SACM1L: variants seen among roughly 807,000 people sequenced by gnomAD.
SACM1L encodes phosphatidylinositol-3-phosphatase SAC1.
In SACM1L, 32 loss-of-function variants were observed where a neutral mutation model predicts 89.5. The ratio of observed to expected loss-of-function variants is 0.36; its 90% CI spans 0.27 to 0.48. SACM1L has a LOEUF of 0.48. Ranked by LOEUF, SACM1L falls within the 20% of genes least tolerant of loss-of-function variation. The pLI is 0.99. For synonymous variants in SACM1L, 213 were observed against 232.8 expected (o/e 0.92, Z 0.77); for missense variants, 543 against 708.5 (o/e 0.77, Z 2.65).
chr3:45,721,562 G>T (rs1010448051), intron 8 of SACM1L, among the ~76,000 whole-genome samples: 2 of 152,144 alleles, frequency 1.3e-5, no homozygotes, highest in African/African-American at 4.8e-5. Context: ...CTATCTTTAC[G>T]TTGAGTATTG....
At chr3:45,708,726 T>C (rs575886989) in intron 4 of SACM1L, among the ~76,000 whole-genome samples, 1 of 152,170 alleles carries the variant, frequency 6.6e-6, no homozygotes, top group Admixed American at 6.5e-5. Context: ...TCAAGCTGTG[T>C]AGCTAATTTT....
intron 1 of SACM1L, among the ~76,000 whole-genome samples, chr3:45,700,467 A>G (rs1698239560): frequency 6.6e-6 from 1 of 152,188 alleles, no homozygotes; most frequent in African/African-American, 2.4e-5. Flanking sequence ...AAGCAGCCAA[A>G]TAGGAGCAGT....
intron 9 of SACM1L, 128 bp downstream of exon 9, chr3:45,722,213 A>G (rs1698805176): frequency 9.6e-6 from 6 of 623,528 alleles, no homozygotes; most frequent in Non-Finnish European, 1.4e-5. Flanking sequence ...TCTATGGTGC[A>G]GAAAAAGTTC....
In SACM1L at chr3:45,722,886, T is replaced by C; in HGVS notation, c.783T>C (p.Pro261=). ...TCTTTTAGACTCGAGGATCAATACCTGTTTTCTGGTCCCAAAGACCAAACC... is the reference window on the plus strand; with the variant it reads ...TCTTTTAGACTCGAGGATCAATACCCGTTTTCTGGTCCCAAAGACCAAACC... ...ASFVQTRGSI[P]VFWSQRPNLK... Residue 261 remains proline, a synonymous_variant, in exon 10 of 20, where the codon CCT becomes CCC. Coordinates refer to ENST00000389061, the MANE Select transcript of SACM1L (RefSeq NM_014016.5). 6.2e-7 allele frequency: 1 copy of C among 1,613,188 alleles called. No individual in the cohort carries two copies.
At chr3:45,733,862 G>T (rs1363747773) in intron 13 of SACM1L, among the ~76,000 whole-genome samples, 1 of 152,170 alleles carries the variant, frequency 6.6e-6, no homozygotes, top group Non-Finnish European at 1.5e-5. Context: ...TGCGTATGAT[G>T]CTAAGGCTAG....
chr3:45,715,066 A>C (rs751394162), intron 7 of SACM1L, among the ~76,000 whole-genome samples: 2 of 152,220 alleles, frequency 1.3e-5, no homozygotes, highest in Non-Finnish European at 2.9e-5. Context: ...GTAGCTAAGG[A>C]GCGATGGGCT....
In SACM1L at chr3:45,706,745, T is replaced by C. The variant is rs766950534; in HGVS notation, c.206-35T>C. ...TATTTCTACCTTTAGAGTTACTATT[T>C]TTATAATTATGTGTGTTTGGCTTGC... On this transcript the variant is annotated intron_variant, in intron 3 of 19. Transcript: ENST00000389061. 1.9e-6 allele frequency: 3 copies of C among 1,540,332 alleles called. No homozygotes were observed. In the African/African-American group the frequency reaches 4.2e-5, roughly 21 times the overall value.
chr3:45,707,091 CTTG>C (rs1698415610), intron 4 of SACM1L, 184 bp downstream of exon 4: 5 of 449,870 alleles, frequency 1.1e-5, no homozygotes, highest in South Asian at 4.6e-5. Flanking sequence ...ATTTGTTGCT[CTTG>C]TTTTTTTTTT....
chr3:45,743,654 A>G lies in SACM1L; in HGVS notation c.1749A>G (p.Lys583=), dbSNP rs766784122. ...DFVDAPRLVQ[K]EKID is the part of the protein sequence containing the mutation. ...TCGATGCTCCCAGACTGGTCCAGAA[A>G]GAAAAGATAGACTGAATTTGTATTT... Residue 583 remains lysine, a synonymous_variant, in exon 20 of 20, where the codon AAA becomes AAG. Coordinates refer to ENST00000389061, the MANE Select transcript of SACM1L (RefSeq NM_014016.5). The G allele has an allele frequency of 3.0e-5, 49 of 1,612,502 alleles. No homozygotes were observed. Among genetic ancestry groups the G allele is most frequent in the Middle Eastern group, 1.6e-4 (1 of 6,072 alleles).
At chr3:45,689,564 G>C in intron 1 of SACM1L, 67 bp downstream of exon 1, 1 of 1,520,600 alleles carries the variant, frequency 6.6e-7, no homozygotes, top group Non-Finnish European at 8.9e-7. Flanking sequence ...CCTGGCCTCG[G>C]GGAGGGCTTC....
At chr3:45,730,286 T>C (rs2125701913) in intron 11 of SACM1L, among the ~76,000 whole-genome samples, 1 of 152,126 alleles carries the variant, frequency 6.6e-6, no homozygotes, top group Admixed American at 6.5e-5. Context: ...AGAGTCTCCT[T>C]TTCCCCTACG....
Position 45,737,642 on chromosome 3 carries a change from T to C in SACM1L, c.1299T>C (p.Ile433=), listed in dbSNP as rs746321038. The change falls in exon 15 of 20, where the codon ATT becomes ATC. Residue 433 remains isoleucine, a synonymous_variant. Coordinates refer to ENST00000389061, the MANE Select transcript of SACM1L (RefSeq NM_014016.5). The part of the protein sequence containing the change: ...KLEEQDEFEK[I]YKNAWADNAN... ...AAGAACAAGATGAATTTGAGAAGAT[T>C]TACAAAAATGGTAGGTCATTTCTTT... The C allele has an allele frequency of 4.4e-6, 7 of 1,591,392 alleles. No homozygotes were observed. In the Admixed American group the frequency reaches 1.4e-4, roughly 31 times the overall value.
At chr3:45,697,298 A>G (rs1399696292) in intron 1 of SACM1L, among the ~76,000 whole-genome samples, 5 of 93,040 alleles carry the variant, frequency 5.4e-5, no homozygotes, top group East Asian at 3.3e-4. Flanking sequence ...TTTTTTTAAG[A>G]CAGGCTCTTG....
At chr3:45,712,249 G>GT (rs981465606) in intron 5 of SACM1L, among the ~76,000 whole-genome samples, 2 of 152,004 alleles carry the variant, frequency 1.3e-5, no homozygotes, top group African/African-American at 4.8e-5. Context: ...TATTTTGTTT[G>GT]TTTTTTCTTT....
intron 11 of SACM1L, among the ~76,000 whole-genome samples, chr3:45,725,322 ATG>A (rs1698893496): frequency 6.6e-6 from 1 of 151,004 alleles, no homozygotes; most frequent in African/African-American, 2.4e-5. Flanking sequence ...ATCAACTCAG[ATG>A]TCTTTTTATT....
intron 3 of SACM1L, among the ~76,000 whole-genome samples, chr3:45,706,107 A>T (rs769561371): frequency 6.6e-6 from 1 of 152,196 alleles, no homozygotes; most frequent in African/African-American, 2.4e-5. Context: ...AGACATGTAC[A>T]TGGCAAAACT....
At chr3:45,738,522 C>T in intron 16 of SACM1L, 56 bp from the exon 17 acceptor site, 1 of 1,017,492 alleles carries the variant, frequency 9.8e-7, no homozygotes, top group Non-Finnish European at 1.5e-6. Context: ...GGCCATAAAA[C>T]AGTGTGAGAA....
chr3:45,693,238 A>G (rs1698040447), intron 1 of SACM1L, among the ~76,000 whole-genome samples: 1 of 152,182 alleles, frequency 6.6e-6, no homozygotes, highest in Non-Finnish European at 1.5e-5. Context: ...TGACCAAAGC[A>G]TTGTTACATG....
chr3:45,738,075 G>A (rs956885432), intron 16 of SACM1L, among the ~76,000 whole-genome samples: 4 of 152,176 alleles, frequency 2.6e-5, no homozygotes, highest in Non-Finnish European at 1.5e-5. Flanking sequence ...GAGAGCCACC[G>A]CTCCACAGTG....
Sources: gnomAD v4.1 joint callset for allele counts (sites outside exome capture counted in the v4.1 genomes callset) on GRCh38, gnomAD v4.1.1 for gene constraint, MANE v1.5 for transcripts, NCBI Gene and HGNC (gene_info 2026-07-23, HGNC 2026-07-21) for gene names.